KDM4C: variants seen among roughly 807,000 people sequenced by gnomAD.
KDM4C encodes lysine-specific demethylase 4C.
Under a neutral mutation model 129.3 loss-of-function variants are expected in KDM4C, and 81 were observed. That is an observed-to-expected ratio of 0.63 (90% CI 0.52 to 0.75). The LOEUF is 0.75. KDM4C is among the 30% of genes least tolerant of loss of function. The probability of loss-of-function intolerance (pLI) is 0.00; values close to 1 mark genes in which losing one functional copy is unlikely to be tolerated. For missense variants in KDM4C, 1,457 were observed against 1,304.0 expected (o/e 1.12, Z -1.81); for synonymous variants, 573 against 456.1 (o/e 1.26, Z -3.26).
intron 1 of KDM4C, among the ~76,000 whole-genome samples, chr9:6,725,911 T>G (rs377360611): frequency 1.5e-3 from 210 of 144,800 alleles, no homozygotes; most frequent in African/African-American, 5.4e-3. Context: ...TGGGGTTTCT[T>G]TCTTTTCTTT....
chr9:6,930,746 G>C (rs1259672863), intron 8 of KDM4C, among the ~76,000 whole-genome samples: 1 of 134,980 alleles, frequency 7.4e-6, no homozygotes, highest in Non-Finnish European at 1.7e-5. Flanking sequence ...ATATTATTAT[G>C]TATCATATAT....
intron 17 of KDM4C, among the ~76,000 whole-genome samples, chr9:7,098,500 T>C (rs775590606): frequency 2.6e-5 from 4 of 152,208 alleles, no homozygotes; most frequent in Non-Finnish European, 5.9e-5. Flanking sequence ...GACAGAGGAC[T>C]TATCATGTTA....
At chr9:6,726,128 C>T (rs1588029961) in intron 1 of KDM4C, among the ~76,000 whole-genome samples, 1 of 151,800 alleles carries the variant, frequency 6.6e-6, no homozygotes, top group Admixed American at 6.6e-5. Flanking sequence ...GGGGTTTCGC[C>T]GTCGCGGCCA....
At chr9:7,049,315 T>C in intron 17 of KDM4C, 115 bp downstream of exon 17, 1 of 518,824 alleles carries the variant, frequency 1.9e-6, no homozygotes, top group East Asian at 3.4e-5. Context: ...TCTTTTATTT[T>C]TCTACCCTTA....
intron 8 of KDM4C, among the ~76,000 whole-genome samples, chr9:6,899,885 G>A (rs928972119): frequency 5.9e-5 from 9 of 152,176 alleles, no homozygotes; most frequent in African/African-American, 1.9e-4. Flanking sequence ...CTGATGTTTA[G>A]TTCTTAACCT....
intron 1 of KDM4C, among the ~76,000 whole-genome samples, chr9:6,788,208 A>G (rs1825864013): frequency 6.6e-6 from 1 of 151,990 alleles, no homozygotes. Context: ...TCTTCATAGC[A>G]TGTACTTTTT....
intron 8 of KDM4C, among the ~76,000 whole-genome samples, chr9:6,912,178 C>T (rs10975891): frequency 0.051 from 7,785 of 152,186 alleles, 319 homozygotes; most frequent in East Asian, 0.19. Context: ...TCCTGCCCAC[C>T]TGCCCCTTCC....
chr9:6,806,528 A>C (rs1415250802), intron 3 of KDM4C, among the ~76,000 whole-genome samples: 3 of 151,690 alleles, frequency 2.0e-5, no homozygotes, highest in Admixed American at 6.6e-5. Flanking sequence ...TAAATAAATA[A>C]ATAAATAATC....
At position 6,984,194 on chromosome 9, in the gene KDM4C, A is replaced by G. The variant is rs991028669; in HGVS notation, c.1144A>G (p.Arg382Gly). ...SFQCARSTSK[R>G]PKADEEEEVS... Reference sequence around the variant, plus strand: ...CCAGTGTGCTAGGTCTACCTCTAAAAGGCCTAAGGCTGATGAGGAAGAGGA... The same window carrying G: ...CCAGTGTGCTAGGTCTACCTCTAAAGGGCCTAAGGCTGATGAGGAAGAGGA... The change falls in exon 10 of 22, where the codon AGG becomes GGG. Residue 382 changes from arginine to glycine, a missense_variant. Transcript: ENST00000381309. The G allele has an allele frequency of 1.2e-6, 2 of 1,613,486 alleles. No individual in the cohort carries two copies. The highest frequency in any genetic ancestry group is 2.7e-5 in the African/African-American group (2 of 74,902).
At chr9:7,075,552 C>T (rs1833810805) in intron 17 of KDM4C, among the ~76,000 whole-genome samples, 1 of 152,154 alleles carries the variant, frequency 6.6e-6, no homozygotes, top group East Asian at 1.9e-4. Context: ...CCTCTTTCAC[C>T]ATGTGATCTC....
intron 6 of KDM4C, among the ~76,000 whole-genome samples, chr9:6,880,587 A>T (rs1003323046): frequency 2.6e-5 from 4 of 152,140 alleles, no homozygotes; most frequent in Non-Finnish European, 5.9e-5. Flanking sequence ...AATGGCTCTG[A>T]GTAACAATAC....
intron 4 of KDM4C, among the ~76,000 whole-genome samples, chr9:6,825,494 T>A (rs2131264886): frequency 6.6e-6 from 1 of 152,278 alleles, no homozygotes; most frequent in Non-Finnish European, 1.5e-5. Context: ...GTAACTGCAT[T>A]CCTGATATGT....
chr9:6,736,316 T>A (rs777467070), intron 1 of KDM4C, among the ~76,000 whole-genome samples: 16 of 152,194 alleles, frequency 1.1e-4, no homozygotes, highest in Non-Finnish European at 7.3e-5. Flanking sequence ...AGCTGAATGT[T>A]AATCCCCAAG....
intron 2 of KDM4C, among the ~76,000 whole-genome samples, chr9:6,798,987 C>G (rs961468846): frequency 8.5e-6 from 1 of 117,944 alleles, no homozygotes; most frequent in Non-Finnish European, 1.9e-5. Flanking sequence ...CAGAGACGCT[C>G]CTCACTTCCT....
intron 5 of KDM4C, among the ~76,000 whole-genome samples, chr9:6,873,988 G>A (rs567660213): frequency 2.7e-5 from 4 of 150,614 alleles, no homozygotes; most frequent in African/African-American, 9.7e-5. Context: ...GCTAGCCGAC[G>A]GAGCAGTCAG....
intron 19 of KDM4C, 145 bp from the exon 20 acceptor site, chr9:7,165,092 TC>T (rs1844236109): frequency 1.1e-6 from 1 of 904,946 alleles, no homozygotes. Flanking sequence ...TCATATCTCT[TC>T]CCCTGAACAC....
Position 7,170,288 on chromosome 9 carries a change from G to C in KDM4C, c.2994+398G>C, listed in dbSNP as rs932646855. On this transcript the variant is annotated intron_variant, in intron 21 of 21. Transcript: ENST00000381309. ...CAAAGGGGACTCGGCATAATTGAAT[G>C]TCTGTCTATTCTTTTATAGGTTTTT... 5.6e-6 allele frequency: 6 copies of C among 1,067,910 alleles called. No individual in the cohort carries two copies. In the East Asian group the frequency reaches 4.2e-4, roughly 75 times the overall value. 66.2% of individuals were successfully genotyped at this position (1,067,910 alleles called of 1,614,324 possible).
intron 8 of KDM4C, among the ~76,000 whole-genome samples, chr9:6,966,904 C>G (rs949161007): frequency 6.6e-5 from 10 of 152,132 alleles, no homozygotes; most frequent in African/African-American, 2.4e-4. Flanking sequence ...GCTTAAATCA[C>G]AGAATGCAAT....
chr9:6,753,868 CTTTTTTTTTTTTTT>C (rs869158656), upstream of KDM4C, among the ~76,000 whole-genome samples: 1 of 80,368 alleles, frequency 1.2e-5, no homozygotes, highest in Non-Finnish European at 2.3e-5. Flanking sequence ...TCATTGAATT[CTTTTTTTTTTTTTT>C]TTTTTTTTTT....
Sources: allele counts gnomAD v4.1 joint callset (sites outside exome capture counted in the v4.1 genomes callset), GRCh38; gene constraint gnomAD v4.1.1; transcripts MANE v1.5; gene names NCBI Gene and HGNC (gene_info 2026-07-23, HGNC 2026-07-21).